The following WRN variants were observed in gnomAD, a reference collection of about 807,000 sequenced individuals.
WRN encodes WRN RecQ like helicase.
WRN carries 149 observed loss-of-function variants against 180.7 expected under a neutral mutation model. The ratio of observed to expected loss-of-function variants is 0.82; its 90% CI spans 0.72 to 0.94. The LOEUF (loss-of-function observed/expected upper bound fraction) is 0.94, where lower values mean the gene tolerates loss of function less well. Ranked by LOEUF, WRN falls within the 40% of genes least tolerant of loss-of-function variation. WRN has a pLI of 0.00. For synonymous variants in WRN, 548 were observed against 568.9 expected (o/e 0.96, Z 0.52); for missense variants, 1,661 against 1,700.1 (o/e 0.98, Z 0.40).
At chr8:31,103,199 G>T (rs956004492) in intron 18 of WRN, among the ~76,000 whole-genome samples, 17 of 152,138 alleles carry the variant, frequency 1.1e-4, no homozygotes, top group African/African-American at 3.9e-4. Context: ...GATACCTCCT[G>T]AAGGACCTGC....
intron 30 of WRN, among the ~76,000 whole-genome samples, chr8:31,149,483 TTTTTTTTTG>T (rs1207309132): frequency 3.5e-4 from 20 of 56,432 alleles, no homozygotes; most frequent in East Asian, 7.3e-4. Flanking sequence ...TTTTTTTTTT[TTTTTTTTTG>T]GTGATAGAGT....
chr8:31,098,028 A>G (rs1814064713), intron 17 of WRN, among the ~76,000 whole-genome samples: 1 of 152,220 alleles, frequency 6.6e-6, no homozygotes, highest in Non-Finnish European at 1.5e-5. Context: ...TAATTTTTCC[A>G]ACAATGTAAT....
chr8:31,120,541 TA>T (rs368026803), intron 21 of WRN, 117 bp downstream of exon 21: 105,563 of 676,254 alleles, frequency 0.16, 6 homozygotes, highest in South Asian at 0.21. Flanking sequence ...GCATTTAAAG[TA>T]AAAAAAAAAA....
intron 22 of WRN, 30 bp from the exon 23 acceptor site, chr8:31,124,878 T>G: frequency 6.3e-7 from 1 of 1,588,810 alleles, no homozygotes; most frequent in Non-Finnish European, 8.6e-7. Context: ...TTCTGTTCTT[T>G]TATTTAATTT....
intron 3 of WRN, among the ~76,000 whole-genome samples, chr8:31,059,510 A>G (rs1438885585): frequency 1.3e-5 from 2 of 152,056 alleles, no homozygotes; most frequent in Non-Finnish European, 2.9e-5. Flanking sequence ...AACTTTTTTA[A>G]TATATGTGCT....
At chr8:31,136,042 G>A (rs915426550) in intron 24 of WRN, among the ~76,000 whole-genome samples, 1 of 152,186 alleles carries the variant, frequency 6.6e-6, no homozygotes, top group African/African-American at 2.4e-5. Flanking sequence ...ATGTCACCCA[G>A]GCTCTGGAGT....
chr8:31,064,530 T>G (rs1282300574), intron 4 of WRN, 96 bp downstream of exon 4: 8 of 1,495,612 alleles, frequency 5.3e-6, no homozygotes, highest in Non-Finnish European at 7.4e-6. Flanking sequence ...CTGGCCGTTC[T>G]CTCATTATCT....
intron 30 of WRN, 35 bp downstream of exon 30, chr8:31,147,511 C>A: frequency 6.3e-7 from 1 of 1,586,312 alleles, no homozygotes; most frequent in Non-Finnish European, 8.7e-7. Flanking sequence ...TATTTATTTC[C>A]TTCTAACAAA....
chr8:31,170,518 G>T (rs1804062928), intron 34 of WRN, among the ~76,000 whole-genome samples: 1 of 152,076 alleles, frequency 6.6e-6, no homozygotes, highest in African/African-American at 2.4e-5. Flanking sequence ...CTAAATATAT[G>T]GATTGATCTT....
chr8:31,174,827 C>T lies in WRN; in HGVS notation c.*1725C>T, dbSNP rs71506522. On this transcript the variant is annotated 3_prime_UTR_variant, in exon 35 of 35. Transcript: ENST00000298139. ...TTCCTTCCTTCCTTCCTTCCTCCCTCCCTCCCTCCCTCCCTCCCTCCCTCC... is the reference window on the plus strand; with the variant it reads ...TTCCTTCCTTCCTTCCTTCCTCCCTTCCTCCCTCCCTCCCTCCCTCCCTCC... Among the ~76,000 whole-genome samples, 21,300 of 72,066 alleles carry T rather than the reference C, an allele frequency of 0.3. 2,863 individuals are homozygous for T. Among genetic ancestry groups the T allele is most frequent in the East Asian group, 0.38 (714 of 1,896 alleles). The allele number at this position is 72,066 out of a possible 152,430, so 47.3% of individuals were successfully genotyped here. A position where few individuals can be genotyped will look rare whatever the true frequency, so the allele number is the denominator to read the frequency against.
At chr8:31,034,924 T>C (rs1265816424) in intron 1 of WRN, among the ~76,000 whole-genome samples, 1 of 152,370 alleles carries the variant, frequency 6.6e-6, no homozygotes, top group Non-Finnish European at 1.5e-5. Context: ...AGAGCCCATA[T>C]AGCAGGTGGG....
intron 3 of WRN, among the ~76,000 whole-genome samples, chr8:31,061,617 A>G (rs927826108): frequency 5.9e-5 from 9 of 151,920 alleles, no homozygotes; most frequent in African/African-American, 1.5e-4. Flanking sequence ...TTTGTCAGAC[A>G]TCTAAGTTAC....
rs955468118 is a variant in WRN, at chr8:31,142,804, C to A, written c.3309+103C>A. 5 of 1,044,118 alleles carry A rather than the reference C, an allele frequency of 4.8e-6. No individual in the cohort carries two copies. In the African/African-American group the frequency reaches 4.9e-5, roughly 10 times the overall value. The allele number at this position is 1,044,118 out of a possible 1,614,324, so 64.7% of individuals were successfully genotyped here. A position where few individuals can be genotyped will look rare whatever the true frequency, so the allele number is the denominator to read the frequency against. On this transcript the variant is annotated intron_variant, in intron 27 of 34. Transcript: ENST00000298139. ...TCCTTTCCAATTAAAGAGAAAATGG[C>A]ATATATAACAAAGCATAAAATTCGG...
intron 1 of WRN, among the ~76,000 whole-genome samples, chr8:31,044,482 G>A (rs1353213325): frequency 6.7e-6 from 1 of 149,202 alleles, no homozygotes; most frequent in Admixed American, 6.8e-5. Flanking sequence ...TCAGCCTCCT[G>A]AGTAGCTGGG....
At position 31,133,396 on chromosome 8, in the gene WRN, G is replaced by A. The variant is rs10110712; in HGVS notation, c.2967+890G>A. 3.8e-3 allele frequency among the ~76,000 whole-genome samples: 580 copies of A among 152,276 alleles called. 6 individuals carry two copies. Among genetic ancestry groups the A allele is most frequent in the African/African-American group, 0.013 (557 of 41,558 alleles). On this transcript the variant is annotated intron_variant, in intron 24 of 34. Transcript: ENST00000298139. ...CTTCATGTAAATACTTTCTGAGTTT[G>A]TATTTTTAGAAAGGAACATTTTGGA...
intron 1 of WRN, among the ~76,000 whole-genome samples, chr8:31,054,223 A>G (rs553984366): frequency 6.6e-6 from 1 of 152,214 alleles, no homozygotes; most frequent in Non-Finnish European, 1.5e-5. Flanking sequence ...TGATAATTTC[A>G]TCAAGTCAGA....
rs932090457 is a variant in WRN, at chr8:31,093,501, C to T, written c.1898+1603C>T. On this transcript the variant is annotated intron_variant, in intron 16 of 34. Transcript: ENST00000298139. Reference sequence around the variant, plus strand: ...TTTTACATTTTCTTATTGATAGACACCTAGGCTATTTTTCTGGTTTTGGAC... The same window carrying T: ...TTTTACATTTTCTTATTGATAGACATCTAGGCTATTTTTCTGGTTTTGGAC... Among the ~76,000 whole-genome samples, 6 of 152,098 alleles carry T rather than the reference C, an allele frequency of 3.9e-5. No homozygotes were observed. In the East Asian group the frequency reaches 1.2e-3, roughly 29 times the overall value.
intron 23 of WRN, among the ~76,000 whole-genome samples, chr8:31,128,071 C>T (rs965167653): frequency 1.3e-5 from 2 of 151,360 alleles, no homozygotes; most frequent in African/African-American, 4.9e-5. Flanking sequence ...ATAGCAAGAC[C>T]CCATCTCTAT....
At chr8:31,130,975 C>T (rs1305853718) in intron 23 of WRN, among the ~76,000 whole-genome samples, 2 of 151,942 alleles carry the variant, frequency 1.3e-5, no homozygotes, top group Non-Finnish European at 2.9e-5. Flanking sequence ...TTGCCCACCC[C>T]ATCTCCATCG....
Sources: gnomAD v4.1 joint callset for allele counts (sites outside exome capture counted in the v4.1 genomes callset) on GRCh38, gnomAD v4.1.1 for gene constraint, MANE v1.5 for transcripts, NCBI Gene and HGNC (gene_info 2026-07-23, HGNC 2026-07-21) for gene names.